The following WDR76 variants were observed in gnomAD, a reference collection of about 807,000 sequenced individuals.
The protein encoded by WDR76 is WD repeat domain 76, also known as WD repeat-containing protein 76.
WDR76 carries 52 observed loss-of-function variants against 70.2 expected under a neutral mutation model. The ratio of observed to expected loss-of-function variants is 0.74; its 90% CI spans 0.59 to 0.93. The LOEUF is 0.93. Ranked by LOEUF, WDR76 falls within the 40% of genes least tolerant of loss-of-function variation. WDR76 has a pLI of 0.00. For missense variants in WDR76, 756 were observed against 760.2 expected, an observed-to-expected ratio of 0.99 and a Z score of 0.07; for synonymous variants, 292 against 271.1, an observed-to-expected ratio of 1.08 and a Z score of -0.76.
At chr15:43,853,644 C>A (rs570973216) in intron 9 of WDR76, among the ~76,000 whole-genome samples, 76 of 151,918 alleles carry the variant, frequency 5.0e-4, no homozygotes, top group African/African-American at 1.7e-3. Flanking sequence ...GGTGGCTCAC[C>A]CCTGTAATCC....
At chr15:43,845,455 C>T (rs1351847276) in intron 8 of WDR76, among the ~76,000 whole-genome samples, 4 of 150,090 alleles carry the variant, frequency 2.7e-5, no homozygotes, top group Non-Finnish European at 6.0e-5. Context: ...TATGAGGACA[C>T]AGCTAGAAGG....
rs1212042988 is a variant in WDR76, at chr15:43,851,190, T to C, written c.1136T>C (p.Leu379Pro). Residue 379 changes from leucine (L) to proline (P), a missense_variant, in exon 9 of 13, where the codon CTG becomes CCG. Coordinates refer to ENST00000263795, the MANE Select transcript of WDR76 (RefSeq NM_024908.4). Reference sequence around the variant, plus strand: ...GCCAATCCGGCCCACATACTGTCACTGAGCTATGATGGCACGTTACGCTGT... The same window carrying C: ...GCCAATCCGGCCCACATACTGTCACCGAGCTATGATGGCACGTTACGCTGT... ...SPANPAHILS[L>P]SYDGTLRCGD... 6.2e-7 allele frequency: 1 copy of C among 1,614,078 alleles called. No individual in the cohort carries two copies. The highest frequency in any genetic ancestry group is 8.5e-7 in the Non-Finnish European group (1 of 1,180,038).
In WDR76 at chr15:43,866,180, C is replaced by T; in HGVS notation, c.1669C>T (p.Pro557Ser). Residue 557 changes from proline (P) to serine (S), a missense_variant, in exon 13 of 13, where the codon CCT becomes TCT. Pro to Ser is a moderately conservative substitution (Grantham distance 74, BLOSUM62 -1). Coordinates refer to ENST00000263795, the MANE Select transcript of WDR76 (RefSeq NM_024908.4). Reference sequence around the variant, plus strand: ...GACCAGGTTCCAAGCCATGTGGGATCCTAAACAAGAAGACTGTGTCATAGT... The same window carrying T: ...GACCAGGTTCCAAGCCATGTGGGATTCTAAACAAGAAGACTGTGTCATAGT... ...WLTRFQAMWD[P>S]KQEDCVIVGS... The T allele has an allele frequency of 6.2e-7, 1 of 1,614,178 alleles. No homozygotes were observed. The highest frequency in any genetic ancestry group is 8.5e-7 in the Non-Finnish European group (1 of 1,180,024).
chr15:43,827,452 CAGTAAGTGAATTCTACTGAGGTTAA>C (rs1272648798), intron 1 of WDR76, among the ~76,000 whole-genome samples: 9 of 152,138 alleles, frequency 5.9e-5, no homozygotes, highest in African/African-American at 2.2e-4. Flanking sequence ...CAAATGTGCC[CAGTAAGTGAATTCTACTGAGGTTAA>C]GGTTAGTGAA....
rs2087701156 is a variant in WDR76 at position 43,839,742 on chromosome 15, C to T, written c.732+14C>T. On this transcript the variant is annotated intron_variant, in intron 5 of 12. Coordinates refer to ENST00000263795, the MANE Select transcript of WDR76 (RefSeq NM_024908.4). ...GCAGATGAAACTGTAAGGAAATGTG[C>T]AAATATAATATTTTAATGTAATAAA... 1 of 1,583,584 alleles carries T rather than the reference C, an allele frequency of 6.3e-7. No individual in the cohort carries two copies. The highest frequency in any genetic ancestry group is 8.6e-7 in the Non-Finnish European group (1 of 1,167,026).
At chr15:43,844,135 T>A in intron 8 of WDR76, 81 bp downstream of exon 8, 1 of 1,302,650 alleles carries the variant, frequency 7.7e-7, no homozygotes, top group Non-Finnish European at 1.0e-6. Flanking sequence ...AGCCATGTGT[T>A]TATAAATGTT....
chr15:43,858,587 G>A, intron 10 of WDR76, 84 bp from the exon 11 acceptor site: 1 of 1,511,932 alleles, frequency 6.6e-7, no homozygotes, highest in Non-Finnish European at 9.0e-7. Context: ...GCAAGTATGT[G>A]AGTGTCTAAC....
At chr15:43,852,573 T>A (rs1265285448) in intron 9 of WDR76, among the ~76,000 whole-genome samples, 4 of 152,118 alleles carry the variant, frequency 2.6e-5, no homozygotes, top group Admixed American at 2.6e-4. Context: ...GGTTTCACCA[T>A]GTTGACCAGG....
At chr15:43,846,419 G>T (rs989524820) in intron 8 of WDR76, among the ~76,000 whole-genome samples, 1 of 148,862 alleles carries the variant, frequency 6.7e-6, no homozygotes, top group African/African-American at 2.4e-5. Flanking sequence ...TGCGTAGCTG[G>T]GACTACGGTC....
At chr15:43,827,941 GT>G (rs765650110) in intron 1 of WDR76, 23 bp from the exon 2 acceptor site, 37 of 1,568,366 alleles carry the variant, frequency 2.4e-5, no homozygotes, top group Admixed American at 6.0e-5. Context: ...CTAATATTCT[GT>G]TTTCTTTTAT....
intron 2 of WDR76, among the ~76,000 whole-genome samples, chr15:43,830,026 T>A (rs989168419): frequency 9.3e-5 from 14 of 151,112 alleles, no homozygotes; most frequent in Non-Finnish European, 1.8e-4. Context: ...TTTTTTTTTT[T>A]AATGGAGATG....
At position 43,868,394 on chromosome 15, in the gene WDR76, T is replaced by C. The variant is rs1484025724; in HGVS notation, c.*2002T>C. The C allele has an allele frequency of 6.6e-6, 1 of 152,236 alleles. No individual in the cohort carries two copies. Among genetic ancestry groups the C allele is most frequent in the Non-Finnish European group, 1.5e-5 (1 of 68,034 alleles). 9.4% of individuals were successfully genotyped at this position (152,236 alleles called of 1,614,324 possible). On this transcript the variant is annotated 3_prime_UTR_variant, in exon 13 of 13. Transcript: ENST00000263795. ...GGCAGTAATTGCCTGGGCTCGTCAA[T>C]AAATGTTAGCAAATTCTTGATGTTC...
chr15:43,848,467 G>A (rs997941810), intron 8 of WDR76, among the ~76,000 whole-genome samples: 3 of 152,178 alleles, frequency 2.0e-5, no homozygotes, highest in Non-Finnish European at 4.4e-5. Flanking sequence ...TGGGTATTCC[G>A]ATTTTTCCTC....
At chr15:43,841,020 C>CTTTTTTT (rs893078350) in intron 5 of WDR76, among the ~76,000 whole-genome samples, 1 of 144,648 alleles carries the variant, frequency 6.9e-6, no homozygotes. Flanking sequence ...TTTGGTATTT[C>CTTTTTTT]TTTTTTTTTT....
intron 2 of WDR76, among the ~76,000 whole-genome samples, chr15:43,833,656 G>C (rs573145664): frequency 6.8e-6 from 1 of 146,292 alleles, no homozygotes; most frequent in Non-Finnish European, 1.5e-5. Flanking sequence ...TTTTTGAGAC[G>C]GAGTCTTGCT....
rs752028955 is a variant in WDR76 at position 43,844,021 on chromosome 15, G to A, written c.999G>A (p.Gly333=). The change falls in exon 8 of 13, where the codon GGG becomes GGA. Residue 333 remains glycine (G), a synonymous_variant. Coordinates refer to ENST00000263795, the MANE Select transcript of WDR76 (RefSeq NM_024908.4). ...PSETRTLVAV[G]AKFGQVGLCD... ...AAACTAGAACTTTGGTAGCAGTTGG[G>A]GCCAAATTTGGGCAAGTTGGACTTT... 1.7e-5 allele frequency: 27 copies of A among 1,613,230 alleles called. No homozygotes were observed. The highest frequency in any genetic ancestry group is 2.7e-5 in the African/African-American group (2 of 74,858).
chr15:43,861,747 A>C (rs574117024), intron 12 of WDR76, among the ~76,000 whole-genome samples: 1 of 150,374 alleles, frequency 6.7e-6, no homozygotes, highest in African/African-American at 2.4e-5. Flanking sequence ...GTGTCTGTTT[A>C]TTCTGGGCCT....
intron 3 of WDR76, 127 bp downstream of exon 3, chr15:43,835,277 G>A (rs907058389): frequency 2.8e-6 from 2 of 714,450 alleles, no homozygotes; most frequent in African/African-American, 3.6e-5. Context: ...GATCAGCCTG[G>A]GTAACATACG....
At chr15:43,837,755 T>C (rs1477099109) in intron 4 of WDR76, among the ~76,000 whole-genome samples, 6 of 152,156 alleles carry the variant, frequency 3.9e-5, no homozygotes, top group Non-Finnish European at 5.9e-5. Context: ...GTCCCATCCA[T>C]GTACCTGCCA....
Sources: allele counts gnomAD v4.1 joint callset (sites outside exome capture counted in the v4.1 genomes callset), GRCh38; gene constraint gnomAD v4.1.1; transcripts MANE v1.5; gene names NCBI Gene and HGNC (gene_info 2026-07-23, HGNC 2026-07-21).